SORBS2: variants seen among roughly 807,000 people sequenced by gnomAD.
SORBS2 encodes sorbin and SH3 domain-containing protein 2.
Under a neutral mutation model 97.7 loss-of-function variants are expected in SORBS2, and 46 were observed. That is an observed-to-expected ratio of 0.47 (90% CI 0.37 to 0.60). SORBS2 has a LOEUF of 0.60. Among genes scored for constraint, SORBS2 ranks in the 20% least tolerant of loss-of-function variants. The pLI, the probability that SORBS2 is intolerant of heterozygous loss-of-function variation, is 0.00. For synonymous variants in SORBS2, 476 were observed against 473.4 expected, an observed-to-expected ratio of 1.01 and a Z score of -0.07; for missense variants, 1,316 against 1,282.3, an observed-to-expected ratio of 1.03 and a Z score of -0.40.
chr4:185,612,304 A>G lies in SORBS2; in HGVS notation c.2596-324T>C, dbSNP rs114665183. ...GTTATTTCAAAAAGCAGAATAGTGT[A>G]AAAGGTAATGTCTCAATGACAATAG... On this transcript the variant is annotated intron_variant, in intron 11 of 14. Coordinates refer to ENST00000418609, the Ensembl canonical transcript of SORBS2. Among the ~76,000 whole-genome samples, 671 of 152,264 alleles carry G rather than the reference A, an allele frequency of 4.4e-3. 4 individuals are homozygous for G. The highest frequency in any genetic ancestry group is 0.013 in the African/African-American group (543 of 41,540).
intron 2 of SORBS2, among the ~76,000 whole-genome samples, chr4:185,698,412 G>A (rs2098210232): frequency 6.6e-6 from 1 of 152,134 alleles, no homozygotes; most frequent in South Asian, 2.1e-4. Flanking sequence ...GGAGGTGGAG[G>A]TTGCAGTGAG....
intron 2 of SORBS2, among the ~76,000 whole-genome samples, chr4:185,731,285 A>G (rs1292361711): frequency 6.6e-6 from 1 of 152,182 alleles, no homozygotes; most frequent in Non-Finnish European, 1.5e-5. Context: ...ATTGGCTTCT[A>G]TTGAAAATAC....
intron 12 of SORBS2, among the ~76,000 whole-genome samples, chr4:185,604,433 C>T (rs946037264): frequency 6.6e-6 from 1 of 151,974 alleles, no homozygotes; most frequent in Non-Finnish European, 1.5e-5. Context: ...GAGTCCAGGT[C>T]AGAAACAGAG....
intron 2 of SORBS2, among the ~76,000 whole-genome samples, chr4:185,652,376 G>A (rs1311911303): frequency 6.6e-6 from 1 of 152,140 alleles, no homozygotes; most frequent in Non-Finnish European, 1.5e-5. Flanking sequence ...TTTCACCCAG[G>A]CAACACACCA....
intron 2 of SORBS2, among the ~76,000 whole-genome samples, chr4:185,705,252 CTTTGT>C (rs1468367649): frequency 4.6e-5 from 7 of 152,180 alleles, no homozygotes; most frequent in Admixed American, 3.3e-4. Context: ...CCAATCCTCT[CTTTGT>C]TTTATCAAAA....
rs577103513 is a variant in SORBS2 at position 185,759,992 on chromosome 4, C to T, written c.-198+15235G>A. Reference sequence around the variant, plus strand: ...TTCATATTCCTATGGGGCAAATTTCCATCGTAGACTCCACGTTGGCTCCTT... The same window carrying T: ...TTCATATTCCTATGGGGCAAATTTCTATCGTAGACTCCACGTTGGCTCCTT... On this transcript the variant is annotated intron_variant, in intron 2 of 20. Transcript: ENST00000284776. Among the ~76,000 whole-genome samples the T allele has an allele frequency of 3.9e-5, 6 of 152,244 alleles. No individual in the cohort carries two copies. In the East Asian group the frequency reaches 1.2e-3, roughly 29 times the overall value.
chr4:185,798,489 G>GA (rs974903597), intron 1 of SORBS2, among the ~76,000 whole-genome samples: 3 of 152,092 alleles, frequency 2.0e-5, no homozygotes, highest in African/African-American at 4.8e-5. Context: ...GTGACAAGCA[G>GA]AAAAAACTCG....
intron 4 of SORBS2, chr4:185,665,699 A>T: frequency 1.1e-6 from 1 of 944,452 alleles, no homozygotes; most frequent in South Asian, 4.9e-5. Context: ...CCTTTCAAGG[A>T]AACGGTGGAG....
chr4:185,861,445 T>C (rs2149711571), intron 1 of SORBS2, among the ~76,000 whole-genome samples: 2 of 151,640 alleles, frequency 1.3e-5, no homozygotes, highest in Middle Eastern at 3.4e-3. Context: ...AGGAAGCTAG[T>C]GTAGGTGGGA....
intron 2 of SORBS2, among the ~76,000 whole-genome samples, chr4:185,754,821 C>T (rs1393641879): frequency 5.3e-5 from 8 of 152,236 alleles, no homozygotes; most frequent in Non-Finnish European, 5.9e-5. Context: ...CTGAGAGGAG[C>T]GAGAATGTAC....
intron 2 of SORBS2, among the ~76,000 whole-genome samples, chr4:185,722,360 T>G (rs1346222215): frequency 6.6e-6 from 1 of 152,250 alleles, no homozygotes. Context: ...TATGATAAAT[T>G]ATGTTAATTC....
chr4:185,772,099 ATT>A (rs376967426), intron 2 of SORBS2: 25 of 152,266 alleles, frequency 1.6e-4, no homozygotes, highest in African/African-American at 6.0e-4. Context: ...GGGCTTGATT[ATT>A]TTTGTTTTCG....
At chr4:185,670,440 G>A (rs2097695627) in intron 4 of SORBS2, among the ~76,000 whole-genome samples, 1 of 152,052 alleles carries the variant, frequency 6.6e-6, no homozygotes, top group African/African-American at 2.4e-5. Context: ...TGAGGTCAAG[G>A]ATCCTAACAT....
intron 1 of SORBS2, among the ~76,000 whole-genome samples, chr4:185,942,555 T>A (rs762814040): frequency 2.3e-4 from 35 of 152,244 alleles, no homozygotes; most frequent in Admixed American, 4.6e-4. Context: ...TTCACCATGT[T>A]GGTCAGGCTG....
At chr4:185,661,569 G>A (rs890344861), upstream of SORBS2, among the ~76,000 whole-genome samples, 24 of 152,178 alleles carry the variant, frequency 1.6e-4, no homozygotes, top group African/African-American at 5.8e-4. Context: ...AGTTTCTCTT[G>A]TGTGGCTTCC....
At chr4:185,626,301 C>T (rs1251945293) in intron 6 of SORBS2, among the ~76,000 whole-genome samples, 1 of 152,220 alleles carries the variant, frequency 6.6e-6, no homozygotes, top group Admixed American at 6.5e-5. Flanking sequence ...GTGGATGCTC[C>T]ACTGTTCATG....
intron 1 of SORBS2, among the ~76,000 whole-genome samples, chr4:185,858,543 T>A (rs566964581): frequency 1.6e-4 from 24 of 152,318 alleles, no homozygotes; most frequent in African/African-American, 5.8e-4. Context: ...TATTTCAGAT[T>A]GCCATTTGCC....
intron 1 of SORBS2, among the ~76,000 whole-genome samples, chr4:185,897,776 C>T (rs2099245752): frequency 1.3e-5 from 2 of 152,260 alleles, no homozygotes; most frequent in Admixed American, 1.3e-4. Context: ...GTGGCTCACG[C>T]CTGTAATCCC....
chr4:185,759,148 A>T (rs758342625), intron 2 of SORBS2, among the ~76,000 whole-genome samples: 10 of 152,200 alleles, frequency 6.6e-5, no homozygotes, highest in Non-Finnish European at 1.0e-4. Context: ...AGTGATGAGG[A>T]TGTCAGGATT....
Sources: allele counts gnomAD v4.1 joint callset (sites outside exome capture counted in the v4.1 genomes callset), GRCh38; gene constraint gnomAD v4.1.1; transcripts MANE v1.5; gene names NCBI Gene and HGNC (gene_info 2026-07-23, HGNC 2026-07-21).